The following DLGAP4 variants were observed in gnomAD, a reference collection of about 807,000 sequenced individuals.
DLGAP4 encodes disks large-associated protein 4.
In DLGAP4, 18 loss-of-function variants were observed where a neutral mutation model predicts 86.9. The ratio of observed to expected loss-of-function variants is 0.21; its 90% CI spans 0.14 to 0.31. The LOEUF is 0.31. Among genes scored for constraint, DLGAP4 ranks in the 10% least tolerant of loss-of-function variants. The probability of loss-of-function intolerance (pLI) is 1.00; values close to 1 mark genes in which losing one functional copy is unlikely to be tolerated. For missense variants in DLGAP4, 1,085 were observed against 1,362.6 expected (o/e 0.80, Z 3.21); for synonymous variants, 548 against 574.3 (o/e 0.95, Z 0.65).
intron 7 of DLGAP4, among the ~76,000 whole-genome samples, chr20:36,479,608 G>A (rs930921897): frequency 2.6e-5 from 4 of 152,110 alleles, no homozygotes; most frequent in Admixed American, 6.6e-5. Flanking sequence ...CCTAAAGGAG[G>A]AGGCAGAATC....
At position 36,527,103 on chromosome 20, in the gene DLGAP4, T is replaced by C. The variant is rs1190089861; in HGVS notation, c.*72T>C. ...AAACTAAGTGCGAACGGAACAGAGT[T>C]TTCTCAACCTTTGCTATGGTTATTC... On this transcript the variant is annotated 3_prime_UTR_variant, in exon 13 of 13. Coordinates refer to ENST00000339266, the MANE Select transcript of DLGAP4 (RefSeq NM_001365621.2). The C allele has an allele frequency of 2.5e-5, 36 of 1,419,020 alleles. No individual in the cohort carries two copies. The highest frequency in any genetic ancestry group is 2.9e-5 in the Non-Finnish European group (31 of 1,056,358). The allele number at this position is 1,419,020 out of a possible 1,614,324, so 87.9% of individuals were successfully genotyped here. A position where few individuals can be genotyped will look rare whatever the true frequency, so the allele number is the denominator to read the frequency against.
chr20:36,414,317 A>G (rs951131850), intron 2 of DLGAP4, among the ~76,000 whole-genome samples: 2 of 152,122 alleles, frequency 1.3e-5, no homozygotes, highest in African/African-American at 2.4e-5. Flanking sequence ...TCCCAGCCCT[A>G]TAGTTGTCCC....
intron 11 of DLGAP4, among the ~76,000 whole-genome samples, chr20:36,524,810 G>A (rs1304686400): frequency 6.6e-6 from 1 of 152,072 alleles, no homozygotes; most frequent in African/African-American, 2.4e-5. Context: ...GCTGAGGCAG[G>A]AGAATCGCCT....
chr20:36,419,258 G>A (rs1245487288), intron 2 of DLGAP4, among the ~76,000 whole-genome samples: 3 of 151,982 alleles, frequency 2.0e-5, no homozygotes, highest in Non-Finnish European at 4.4e-5. Flanking sequence ...GAACAGCTGG[G>A]ACTACAGCTG....
rs774920884 is a variant in DLGAP4, at chr20:36,500,656, G to C, written c.2512+45G>C. On this transcript the variant is annotated intron_variant, in intron 10 of 12. Transcript: ENST00000339266. This position sits in a 1 kb window ranked among gnomAD's most constrained non-coding sequence, Gnocchi z 4.6. ...TCCTTGGGCAAGGGTAGAAGGTGTTGGCAGCTGGTTTCAGCTGGTGGCCAG... is the reference window on the plus strand; with the variant it reads ...TCCTTGGGCAAGGGTAGAAGGTGTTCGCAGCTGGTTTCAGCTGGTGGCCAG... 1 of 1,401,414 alleles carries C rather than the reference G, an allele frequency of 7.1e-7. No homozygotes were observed. 86.8% of individuals were successfully genotyped at this position (1,401,414 alleles called of 1,614,324 possible).
chr20:36,351,415 G>A (rs534581857), intron 1 of DLGAP4, among the ~76,000 whole-genome samples: 1 of 152,084 alleles, frequency 6.6e-6, no homozygotes, highest in Non-Finnish European at 1.5e-5. Context: ...GAACCCTATT[G>A]TGAACTGCAC....
chr20:36,413,399 T>C lies in DLGAP4; in HGVS notation c.-72-18247T>C, dbSNP rs533412247. 2.7e-5 allele frequency among the ~76,000 whole-genome samples: 4 copies of C among 150,326 alleles called. No homozygotes were observed. The South Asian group carries it at 6.3e-4, about 24-fold the overall frequency. ...TAATCCACTTTTTGTTCCTGTTGAT[T>C]TGCTTGTTCTGGACTTTTTTTTTTT... On this transcript the variant is annotated intron_variant, in intron 2 of 12. Coordinates refer to ENST00000339266, the MANE Select transcript of DLGAP4 (RefSeq NM_001365621.2).
chr20:36,485,347 G>A (rs1267427050), intron 7 of DLGAP4, among the ~76,000 whole-genome samples: 1 of 136,682 alleles, frequency 7.3e-6, no homozygotes, highest in Non-Finnish European at 1.5e-5. Flanking sequence ...GTGAGACCCT[G>A]TCCCAAAAAA....
At chr20:36,409,128 C>T (rs1193273766) in intron 2 of DLGAP4, among the ~76,000 whole-genome samples, 3 of 151,568 alleles carry the variant, frequency 2.0e-5, no homozygotes, top group Non-Finnish European at 2.9e-5. Flanking sequence ...CTCCACCTCC[C>T]GGGTTCAAGC....
chr20:36,471,440 G>A (rs2034658124), intron 7 of DLGAP4, among the ~76,000 whole-genome samples: 2 of 152,148 alleles, frequency 1.3e-5, no homozygotes, highest in Admixed American at 6.5e-5. Flanking sequence ...GTTGCAGTGA[G>A]CCGAGATTGC....
chr20:36,332,250 C>G (rs2147360579), intron 1 of DLGAP4, among the ~76,000 whole-genome samples: 1 of 152,280 alleles, frequency 6.6e-6, no homozygotes, highest in East Asian at 1.9e-4. Context: ...CCAATGAGTC[C>G]TTCCCAGCCT....
At chr20:36,509,104 T>A (rs2036544983) in intron 10 of DLGAP4, among the ~76,000 whole-genome samples, 1 of 152,226 alleles carries the variant, frequency 6.6e-6, no homozygotes, top group Non-Finnish European at 1.5e-5. Flanking sequence ...GTATACTCTA[T>A]TCATTCTTCT....
At chr20:36,509,977 C>T (rs1240237054) in intron 10 of DLGAP4, among the ~76,000 whole-genome samples, 1 of 152,008 alleles carries the variant, frequency 6.6e-6, no homozygotes, top group Admixed American at 6.6e-5. Flanking sequence ...TTGTCCCAGC[C>T]TCCTGAGCAG....
At chr20:36,368,733 A>T (rs1029244343) in intron 2 of DLGAP4, among the ~76,000 whole-genome samples, 1 of 152,258 alleles carries the variant, frequency 6.6e-6, no homozygotes, top group African/African-American at 2.4e-5. Context: ...CTCTCCAGGG[A>T]CTAAATGTGT....
At chr20:36,508,704 A>C (rs1225423957) in intron 10 of DLGAP4, 2 of 152,294 alleles carry the variant, frequency 1.3e-5, no homozygotes, top group African/African-American at 2.4e-5. Flanking sequence ...CTGGGATTAT[A>C]GGCGTGAGCC....
At chr20:36,433,713 G>A (rs532949911) in intron 3 of DLGAP4, among the ~76,000 whole-genome samples, 11 of 151,646 alleles carry the variant, frequency 7.3e-5, no homozygotes, top group Non-Finnish European at 1.3e-4. Flanking sequence ...ATGCAGTGGC[G>A]CGATCTCGGC....
At chr20:36,379,948 A>G (rs1007019037) in intron 2 of DLGAP4, among the ~76,000 whole-genome samples, 12 of 152,298 alleles carry the variant, frequency 7.9e-5, no homozygotes, top group African/African-American at 2.9e-4. Flanking sequence ...TTGGGAGACC[A>G]AGGTGGGAGA....
intron 4 of DLGAP4, among the ~76,000 whole-genome samples, chr20:36,439,396 A>G (rs990218413): frequency 1.3e-5 from 2 of 152,190 alleles, no homozygotes; most frequent in African/African-American, 2.4e-5. Context: ...TAGATGTAAG[A>G]AAGATTGAAG....
chr20:36,462,361 G>A, intron 7 of DLGAP4: 1 of 1,379,398 alleles, frequency 7.2e-7, no homozygotes, highest in Non-Finnish European at 9.3e-7. Flanking sequence ...GCCCCTCTGT[G>A]CCCCCACATC....
Sources: allele counts gnomAD v4.1 joint callset (sites outside exome capture counted in the v4.1 genomes callset), GRCh38; gene constraint gnomAD v4.1.1; non-coding constraint Gnocchi (gnomAD v3.1); transcripts MANE v1.5; gene names NCBI Gene and HGNC (gene_info 2026-07-23, HGNC 2026-07-21).